PTPN12: variants seen among roughly 807,000 people sequenced by gnomAD.
The protein encoded by PTPN12 is tyrosine-protein phosphatase non-receptor type 12.
A neutral mutation model predicts 97.6 loss-of-function variants in PTPN12; 29 were observed. That is an observed-to-expected ratio of 0.30 (90% CI 0.22 to 0.41). PTPN12 has a LOEUF of 0.41. Ranked by LOEUF, PTPN12 falls within the 10% of genes least tolerant of loss-of-function variation. The pLI, the probability that PTPN12 is intolerant of heterozygous loss-of-function variation, is 1.00. For missense variants in PTPN12, 819 were observed against 926.0 expected, an observed-to-expected ratio of 0.88 and a Z score of 1.50; for synonymous variants, 327 against 300.4, an observed-to-expected ratio of 1.09 and a Z score of -0.91.
intron 2 of PTPN12, among the ~76,000 whole-genome samples, chr7:77,573,713 T>G (rs566768533): frequency 2.0e-5 from 3 of 152,340 alleles, no homozygotes; most frequent in Non-Finnish European, 4.4e-5. Context: ...CTGTCCACTT[T>G]CTTTTTCTGT....
chr7:77,616,288 CT>C (rs928135526), intron 11 of PTPN12, among the ~76,000 whole-genome samples: 1 of 151,870 alleles, frequency 6.6e-6, no homozygotes, highest in Non-Finnish European at 1.5e-5. Flanking sequence ...TCAACTATAG[CT>C]TTTTTTTCTG....
intron 6 of PTPN12, among the ~76,000 whole-genome samples, chr7:77,595,051 A>AC (rs1787981773): frequency 6.6e-6 from 1 of 152,264 alleles, no homozygotes; most frequent in Non-Finnish European, 1.5e-5. Flanking sequence ...TTCACAAAGA[A>AC]AAAACAAAAC....
At chr7:77,562,057 A>T (rs1808024159) in intron 1 of PTPN12, among the ~76,000 whole-genome samples, 1 of 145,708 alleles carries the variant, frequency 6.9e-6, no homozygotes, top group Non-Finnish European at 1.5e-5. Context: ...ACCAAAGTGT[A>T]TTTATTTATT....
chr7:77,537,455 G>T lies in PTPN12; in HGVS notation c.-92G>T, dbSNP rs868336362. The T allele has an allele frequency of 2.1e-6, 3 of 1,445,120 alleles. No individual in the cohort carries two copies. The Admixed American group carries it at 7.2e-5, about 35-fold the overall frequency. The allele number at this position is 1,445,120 out of a possible 1,614,324, so 89.5% of individuals were successfully genotyped here. ...CGGGGTCGGGAGGGAGGGACGTGCT[G>T]GGGGAACGAGCTGGGGAAGACGGAG... On this transcript the variant is annotated 5_prime_UTR_variant, in exon 1 of 18. Coordinates refer to ENST00000248594, the MANE Select transcript of PTPN12 (RefSeq NM_002835.4).
At chr7:77,590,966 G>A (rs1787849974) in intron 5 of PTPN12, among the ~76,000 whole-genome samples, 1 of 152,112 alleles carries the variant, frequency 6.6e-6, no homozygotes, top group South Asian at 2.1e-4. Context: ...GAGCCCAGAA[G>A]GTAGAGGCTG....
intron 1 of PTPN12, 92 bp downstream of exon 1, chr7:77,537,737 CTG>C: frequency 7.4e-7 from 1 of 1,345,250 alleles, no homozygotes; most frequent in Middle Eastern, 2.4e-4. Flanking sequence ...TTGTGTACCT[CTG>C]TGAGGAGAGG....
intron 15 of PTPN12, among the ~76,000 whole-genome samples, chr7:77,636,450 C>T (rs1443188626): frequency 6.6e-6 from 1 of 151,824 alleles, no homozygotes; most frequent in Non-Finnish European, 1.5e-5. Flanking sequence ...GGCGTGGTGG[C>T]GCATGTCTAT....
chr7:77,638,593 T>C, intron 16 of PTPN12, 31 bp from the exon 17 acceptor site: 1 of 1,545,534 alleles, frequency 6.5e-7, no homozygotes, highest in Non-Finnish European at 8.7e-7. Flanking sequence ...CAAAGGATGG[T>C]GATTAACAAA....
chr7:77,583,420 G>GTGTAT lies in PTPN12; in HGVS notation c.286-135_286-134insTGTAT, dbSNP rs1327967398. 11 of 617,680 alleles carry GTGTAT rather than the reference G, an allele frequency of 1.8e-5. No homozygotes were observed. The African/African-American group carries it at 2.0e-4, about 11-fold the overall frequency. The allele number at this position is 617,680 out of a possible 1,614,324, so 38.3% of individuals were successfully genotyped here. A position where few individuals can be genotyped will look rare whatever the true frequency, so the allele number is the denominator to read the frequency against. Reference sequence around the variant, plus strand: ...ATTTTGCCATGCTTTAATATACTATGAAAGACACATTATTTGGAAATGGTT... The same window carrying GTGTAT: ...ATTTTGCCATGCTTTAATATACTATGTGTATAAAGACACATTATTTGGAAATGGTT... On this transcript the variant is annotated intron_variant, in intron 3 of 17. Coordinates refer to ENST00000248594, the MANE Select transcript of PTPN12 (RefSeq NM_002835.4).
In PTPN12 at chr7:77,583,641, T is replaced by C. The variant is rs2151333451; in HGVS notation, c.372T>C (p.Tyr124=). 6.3e-7 allele frequency: 1 copy of C among 1,581,652 alleles called. No homozygotes were observed. Among genetic ancestry groups the C allele is most frequent in the East Asian group, 2.2e-5 (1 of 44,524 alleles). ...VIDFWRMIWE[Y]NVVIIVMACR... ...ATTTTTGGAGGATGATATGGGAGTATAATGTTGTGGTAAGTAATTTACTTT... is the reference window on the plus strand; with the variant it reads ...ATTTTTGGAGGATGATATGGGAGTACAATGTTGTGGTAAGTAATTTACTTT... Residue 124 remains tyrosine (Y), a synonymous_variant, in exon 4 of 18, where the codon TAT becomes TAC. Coordinates refer to ENST00000248594, the MANE Select transcript of PTPN12 (RefSeq NM_002835.4).
intron 8 of PTPN12, among the ~76,000 whole-genome samples, chr7:77,604,654 T>C (rs1402103642): frequency 6.6e-6 from 1 of 152,130 alleles, no homozygotes; most frequent in Non-Finnish European, 1.5e-5. Context: ...TTTTGAATGG[T>C]TTTTGTCCAT....
intron 1 of PTPN12, among the ~76,000 whole-genome samples, chr7:77,547,062 T>C (rs922254228): frequency 6.6e-6 from 1 of 152,226 alleles, no homozygotes; most frequent in Non-Finnish European, 1.5e-5. Flanking sequence ...CTAATCGGCA[T>C]TTAAAAAGCT....
chr7:77,581,020 G>A (rs1053358757), intron 2 of PTPN12, among the ~76,000 whole-genome samples: 6 of 152,016 alleles, frequency 3.9e-5, no homozygotes, highest in South Asian at 2.1e-4. Context: ...ACTGCTTTAC[G>A]TCACTGGTGG....
At chr7:77,618,701 A>G (rs940296743) in intron 12 of PTPN12, 136 bp downstream of exon 12, 1 of 601,018 alleles carries the variant, frequency 1.7e-6, no homozygotes, top group Non-Finnish European at 2.7e-6. Flanking sequence ...TAACATACGT[A>G]TGACAACTGA....
chr7:77,562,275 A>C (rs1808036613), intron 1 of PTPN12, among the ~76,000 whole-genome samples: 1 of 152,108 alleles, frequency 6.6e-6, no homozygotes, highest in Non-Finnish European at 1.5e-5. Flanking sequence ...AGCTGGTCTC[A>C]AACTCCCAAC....
At chr7:77,573,031 C>T (rs979908543) in intron 2 of PTPN12, among the ~76,000 whole-genome samples, 9 of 134,254 alleles carry the variant, frequency 6.7e-5, no homozygotes, top group Non-Finnish European at 1.4e-4. Context: ...TGCCATGAGC[C>T]GAGATTGCGC....
chr7:77,614,948 G>A (rs1002993918), intron 11 of PTPN12, among the ~76,000 whole-genome samples: 2 of 152,198 alleles, frequency 1.3e-5, no homozygotes, highest in Non-Finnish European at 2.9e-5. Context: ...GGTTGTTTAA[G>A]ACTTTAAAAT....
intron 3 of PTPN12, 133 bp downstream of exon 3, chr7:77,581,636 G>C: frequency 2.2e-6 from 1 of 458,478 alleles, no homozygotes. Flanking sequence ...CACTGCCCTG[G>C]CACAATGTTT....
intron 7 of PTPN12, among the ~76,000 whole-genome samples, chr7:77,599,971 G>T (rs1361056338): frequency 6.6e-6 from 1 of 152,120 alleles, no homozygotes; most frequent in South Asian, 2.1e-4. Flanking sequence ...TTAAAACTGA[G>T]AAATTTTTAA....
Sources: allele counts gnomAD v4.1 joint callset (sites outside exome capture counted in the v4.1 genomes callset), GRCh38; gene constraint gnomAD v4.1.1; transcripts MANE v1.5; gene names NCBI Gene and HGNC (gene_info 2026-07-23, HGNC 2026-07-21).